Variants in CSNK2A2IP observed in about 807,000 individuals in gnomAD.
CSNK2A2IP encodes the protein casein kinase 2 subunit alpha' interacting protein.
chr3:88,439,759 C>A, the CSNK2A2IP span, among the ~76,000 whole-genome samples: 13 of 117,854 alleles, frequency 1.1e-4, no homozygotes, highest in East Asian at 7.2e-4. Context: ...AAAAAAAAAT[C>A]ATCGAAGAGT....
the CSNK2A2IP span, among the ~76,000 whole-genome samples, chr3:88,401,960 A>C: frequency 6.6e-6 from 1 of 151,800 alleles, no homozygotes; most frequent in Non-Finnish European, 1.5e-5. Flanking sequence ...ACTTTTGGCC[A>C]TGAGAAAAAT....
At chr3:88,420,460 T>C in the CSNK2A2IP span, among the ~76,000 whole-genome samples, 1 of 152,178 alleles carries the variant, frequency 6.6e-6, no homozygotes. Flanking sequence ...GGGGGATCTC[T>C]TGAGAAAGAC....
the CSNK2A2IP span, among the ~76,000 whole-genome samples, chr3:88,361,931 G>A: frequency 1.3e-5 from 2 of 151,966 alleles, no homozygotes; most frequent in African/African-American, 4.8e-5. Context: ...TTCAGCTCAA[G>A]AAGTTTTAAA....
chr3:88,432,029 A>G, the CSNK2A2IP span, among the ~76,000 whole-genome samples: 1 of 151,988 alleles, frequency 6.6e-6, no homozygotes, highest in Non-Finnish European at 1.5e-5. Context: ...GTGTTAAAAC[A>G]TTTCTGTTTC....
the CSNK2A2IP span, among the ~76,000 whole-genome samples, chr3:88,343,563 T>C: frequency 2.6e-5 from 4 of 151,940 alleles, no homozygotes; most frequent in Non-Finnish European, 5.9e-5. Context: ...ATGACATTGG[T>C]ATAGGAATCA....
chr3:88,427,940 C>T, the CSNK2A2IP span, among the ~76,000 whole-genome samples: 1 of 152,020 alleles, frequency 6.6e-6, no homozygotes, highest in Admixed American at 6.5e-5. Context: ...TCCCCCAGAC[C>T]CCAGAATGGT....
chr3:88,342,615 A>T, the CSNK2A2IP span, among the ~76,000 whole-genome samples: 1 of 151,768 alleles, frequency 6.6e-6, no homozygotes, highest in Admixed American at 6.6e-5. Flanking sequence ...GTTTTCTTTT[A>T]GCAATACTCA....
the CSNK2A2IP span, among the ~76,000 whole-genome samples, chr3:88,365,770 A>C: frequency 2.0e-5 from 3 of 152,136 alleles, no homozygotes; most frequent in Non-Finnish European, 4.4e-5. Flanking sequence ...TAACAGAGGA[A>C]TGTACGAGAA....
At chr3:88,359,447 A>C in the CSNK2A2IP span, among the ~76,000 whole-genome samples, 2 of 151,688 alleles carry the variant, frequency 1.3e-5, no homozygotes, top group Non-Finnish European at 2.9e-5. Flanking sequence ...GTTCTTAAAG[A>C]TACATCATTT....
chr3:88,420,951 T>C, the CSNK2A2IP span, among the ~76,000 whole-genome samples: 1 of 152,142 alleles, frequency 6.6e-6, no homozygotes, highest in Non-Finnish European at 1.5e-5. Flanking sequence ...AAATTATTAT[T>C]TAAATTTCCA....
chr3:88,458,765 A>T, the CSNK2A2IP span, among the ~76,000 whole-genome samples: 5 of 152,200 alleles, frequency 3.3e-5, no homozygotes, highest in Non-Finnish European at 7.3e-5. Context: ...TACACCGTAT[A>T]AAATGTATAT....
chr3:88,434,695 CT>C, the CSNK2A2IP span, among the ~76,000 whole-genome samples: 1 of 152,112 alleles, frequency 6.6e-6, no homozygotes, highest in African/African-American at 2.4e-5. Context: ...CCCAATGCTA[CT>C]TTAACAGTTA....
chr3:88,457,705 TA>T, the CSNK2A2IP span, among the ~76,000 whole-genome samples: 1 of 91,990 alleles, frequency 1.1e-5, no homozygotes, highest in Non-Finnish European at 2.5e-5. Flanking sequence ...CAAAATAAAA[TA>T]AAATAAAATA....
the CSNK2A2IP span, among the ~76,000 whole-genome samples, chr3:88,383,618 T>A: frequency 6.6e-6 from 1 of 151,936 alleles, no homozygotes; most frequent in African/African-American, 2.4e-5. Context: ...TTCATCATTT[T>A]GAATAGCCTA....
the CSNK2A2IP span, among the ~76,000 whole-genome samples, chr3:88,411,425 C>G: frequency 6.6e-6 from 1 of 151,450 alleles, no homozygotes; most frequent in Non-Finnish European, 1.5e-5. Context: ...ATCTAACTGA[C>G]CTGTCTCTGC....
the CSNK2A2IP span, chr3:88,343,414 C>G: frequency 6.6e-6 from 1 of 151,798 alleles, no homozygotes; most frequent in Non-Finnish European, 1.5e-5. Flanking sequence ...AGTCTTTGCT[C>G]CTTATCACTC....
the CSNK2A2IP span, among the ~76,000 whole-genome samples, chr3:88,339,278 A>G: frequency 7.0e-6 from 1 of 142,076 alleles, no homozygotes; most frequent in African/African-American, 2.5e-5. Context: ...TTTTTTTTTT[A>G]GCTCCCATAT....
the CSNK2A2IP span, among the ~76,000 whole-genome samples, chr3:88,402,445 A>G: frequency 6.6e-6 from 1 of 152,086 alleles, no homozygotes; most frequent in Non-Finnish European, 1.5e-5. Flanking sequence ...GCATATGTGC[A>G]CAAGAAAATA....
the CSNK2A2IP span, among the ~76,000 whole-genome samples, chr3:88,369,256 G>A: frequency 6.6e-6 from 1 of 151,910 alleles, no homozygotes; most frequent in Non-Finnish European, 1.5e-5. Context: ...CGGCCTTGTA[G>A]GATATTGACT....
Sources: gnomAD v4.1 joint callset for allele counts (sites outside exome capture counted in the v4.1 genomes callset) on GRCh38, gnomAD v4.1.1 for gene constraint, MANE v1.5 for transcripts, NCBI Gene and HGNC (gene_info 2026-07-23, HGNC 2026-07-21) for gene names.